Variants in PPP2R5C observed in about 807,000 individuals in gnomAD.
The protein encoded by PPP2R5C is serine/threonine-protein phosphatase 2A 56 kDa regulatory subunit gamma isoform.
In PPP2R5C, 7 loss-of-function variants were observed where a neutral mutation model predicts 68.9. The ratio of observed to expected loss-of-function variants is 0.10; its 90% CI spans 0.06 to 0.19. The LOEUF (loss-of-function observed/expected upper bound fraction) is 0.19. Ranked by LOEUF, PPP2R5C falls within the 10% of genes least tolerant of loss-of-function variation. PPP2R5C has a pLI of 1.00. For synonymous variants in PPP2R5C, 210 were observed against 222.2 expected (o/e 0.95, Z 0.49); for missense variants, 348 against 641.3 (o/e 0.54, Z 4.94).
chr14:101,761,507 CG>C (rs2036524263), upstream of PPP2R5C, among the ~76,000 whole-genome samples: 1 of 139,666 alleles, frequency 7.2e-6, no homozygotes, highest in Non-Finnish European at 1.6e-5. Flanking sequence ...GTGGGGGGAG[CG>C]GGGAGCGTTA....
intron 2 of PPP2R5C, among the ~76,000 whole-genome samples, chr14:101,864,669 G>A (rs1301355056): frequency 1.3e-5 from 2 of 152,174 alleles, no homozygotes; most frequent in Non-Finnish European, 2.9e-5. Context: ...GAGGAGGGAA[G>A]GGGAGGGGAG....
intron 2 of PPP2R5C, among the ~76,000 whole-genome samples, chr14:101,866,219 A>T (rs2043057832): frequency 6.6e-6 from 1 of 152,218 alleles, no homozygotes; most frequent in East Asian, 1.9e-4. Context: ...GAAAGTTATC[A>T]TGCTGTGGAA....
intron 1 of PPP2R5C, among the ~76,000 whole-genome samples, chr14:101,856,312 T>G (rs2042422327): frequency 6.6e-6 from 1 of 152,230 alleles, no homozygotes; most frequent in African/African-American, 2.4e-5. Flanking sequence ...GTCCACGCCC[T>G]TTCCCCAGAC....
intron 2 of PPP2R5C, among the ~76,000 whole-genome samples, chr14:101,866,315 TA>T (rs1428969012): frequency 6.6e-6 from 1 of 152,226 alleles, no homozygotes; most frequent in Non-Finnish European, 1.5e-5. Flanking sequence ...TTCATGTTTG[TA>T]ACATATAAAT....
chr14:101,831,402 G>A (rs530208802), intron 1 of PPP2R5C, among the ~76,000 whole-genome samples: 6 of 152,344 alleles, frequency 3.9e-5, no homozygotes, highest in African/African-American at 1.2e-4. Flanking sequence ...AAGCCAGTTA[G>A]GAGGACTAGT....
chr14:101,771,466 C>CA (rs1291753523), intron 2 of PPP2R5C, among the ~76,000 whole-genome samples: 3 of 152,060 alleles, frequency 2.0e-5, no homozygotes, highest in African/African-American at 7.3e-5. Context: ...CACGGTGGCT[C>CA]ATGCCTGTAA....
intron 10 of PPP2R5C, 142 bp from the exon 13 acceptor site, chr14:101,909,447 G>A (rs565000226): frequency 1.2e-4 from 57 of 477,800 alleles, no homozygotes; most frequent in Middle Eastern, 4.9e-4. Context: ...CAAGTAACGC[G>A]GAATGAGCAG....
intron 2 of PPP2R5C, among the ~76,000 whole-genome samples, chr14:101,774,528 G>C (rs2037319507): frequency 6.6e-6 from 1 of 152,144 alleles, no homozygotes; most frequent in Non-Finnish European, 1.5e-5. Flanking sequence ...CGTGGCCTCG[G>C]GGGGATTCTG....
At chr14:101,874,865 G>A (rs889064087) in intron 2 of PPP2R5C, among the ~76,000 whole-genome samples, 1 of 152,074 alleles carries the variant, frequency 6.6e-6, no homozygotes, top group Admixed American at 6.5e-5. Flanking sequence ...CCAGCCTCCA[G>A]AGTAGCTGGG....
intron 1 of PPP2R5C, among the ~76,000 whole-genome samples, chr14:101,826,585 C>T (rs1303085343): frequency 1.3e-5 from 2 of 152,026 alleles, no homozygotes; most frequent in African/African-American, 4.8e-5. Flanking sequence ...CTACTTTGTT[C>T]TTTTTTTCAA....
At chr14:101,858,426 G>A (rs2140593122) in intron 2 of PPP2R5C, among the ~76,000 whole-genome samples, 1 of 152,122 alleles carries the variant, frequency 6.6e-6, no homozygotes, top group East Asian at 1.9e-4. Flanking sequence ...TCAAATCAGG[G>A]TAATTGGGGT....
rs1288623392 is a variant in PPP2R5C at position 101,834,863 on chromosome 14, T to C, written c.95-21823T>C. ...AAGTCCTCAAATCTCAGAGATTGAC[T>C]TGGTACTTGATTATATCCAGCTCGC... is the stretch of plus-strand genomic sequence containing the variant. On this transcript the variant is annotated intron_variant, in intron 1 of 13. Transcript: ENST00000334743. 3.9e-5 allele frequency among the ~76,000 whole-genome samples: 6 copies of C among 152,184 alleles called. No individual in the cohort carries two copies. In the East Asian group the frequency reaches 1.2e-3, roughly 29 times the overall value.
intron 1 of PPP2R5C, among the ~76,000 whole-genome samples, chr14:101,854,902 GCTCACA>G (rs2042335616): frequency 6.6e-6 from 1 of 152,130 alleles, no homozygotes; most frequent in South Asian, 2.1e-4. Context: ...AGGCGCATTG[GCTCACA>G]CCTGTAATCC....
intron 1 of PPP2R5C, among the ~76,000 whole-genome samples, chr14:101,837,104 A>G (rs2041155105): frequency 6.6e-6 from 1 of 152,128 alleles, no homozygotes; most frequent in Admixed American, 6.5e-5. Context: ...TGGCTGGAAA[A>G]CAAATGCTCA....
intron 1 of PPP2R5C, among the ~76,000 whole-genome samples, chr14:101,846,900 A>C (rs2041861022): frequency 6.6e-6 from 1 of 152,204 alleles, no homozygotes; most frequent in African/African-American, 2.4e-5. Context: ...CTCTCTTCCC[A>C]CAGAACTTTT....
intron 3 of PPP2R5C, among the ~76,000 whole-genome samples, chr14:101,803,581 G>A (rs575587921): frequency 4.1e-4 from 63 of 152,086 alleles, no homozygotes; most frequent in African/African-American, 1.4e-3. Context: ...AAAATCAGCC[G>A]GGCGTGGTGG....
chr14:101,908,863 A>C (rs1334411278), intron 10 of PPP2R5C, among the ~76,000 whole-genome samples: 1 of 152,226 alleles, frequency 6.6e-6, no homozygotes, highest in Non-Finnish European at 1.5e-5. Flanking sequence ...GTTTTATTAC[A>C]AAGTGGATTA....
chr14:101,858,920 A>G (rs981016257), intron 2 of PPP2R5C, among the ~76,000 whole-genome samples: 6 of 152,310 alleles, frequency 3.9e-5, no homozygotes, highest in South Asian at 2.1e-4. Flanking sequence ...TACTGGCACC[A>G]CTTAGGATAC....
intron 3 of PPP2R5C, among the ~76,000 whole-genome samples, chr14:101,800,608 T>C (rs2038819335): frequency 6.6e-6 from 1 of 151,362 alleles, no homozygotes; most frequent in South Asian, 2.1e-4. Context: ...AAATTGTCAC[T>C]TTTAATTACT....
Sources: allele counts gnomAD v4.1 joint callset (sites outside exome capture counted in the v4.1 genomes callset), GRCh38; gene constraint gnomAD v4.1.1; transcripts MANE v1.5; gene names NCBI Gene and HGNC (gene_info 2026-07-23, HGNC 2026-07-21).